MOXD1: variants seen among roughly 807,000 people sequenced by gnomAD.
MOXD1 encodes monooxygenase DBH like 1.
A neutral mutation model predicts 66.6 loss-of-function variants in MOXD1; 62 were observed. That is an observed-to-expected ratio of 0.93 (90% CI 0.76 to 1.15). The LOEUF (loss-of-function observed/expected upper bound fraction) is 1.15. Ranked by LOEUF, MOXD1 falls within the 50% of genes most tolerant of loss-of-function variation. The pLI, the probability that MOXD1 is intolerant of heterozygous loss-of-function variation, is 0.00. For synonymous variants in MOXD1, 303 were observed against 281.9 expected (o/e 1.07, Z -0.75); for missense variants, 847 against 754.6 (o/e 1.12, Z -1.44).
intron 4 of MOXD1, among the ~76,000 whole-genome samples, chr6:132,367,362 G>T (rs1776169240): frequency 6.6e-6 from 1 of 152,048 alleles, no homozygotes; most frequent in African/African-American, 2.4e-5. Flanking sequence ...TCCCAGCACT[G>T]TTATAAATAC....
chr6:132,329,350 T>C (rs1334026383), intron 4 of MOXD1, among the ~76,000 whole-genome samples: 2 of 152,202 alleles, frequency 1.3e-5, no homozygotes, highest in Non-Finnish European at 2.9e-5. Flanking sequence ...ATGTGCCACA[T>C]TTTCTTAATC....
At chr6:132,336,714 G>T (rs1775447223) in intron 4 of MOXD1, among the ~76,000 whole-genome samples, 1 of 152,132 alleles carries the variant, frequency 6.6e-6, no homozygotes, top group South Asian at 2.1e-4. Context: ...TGAGGTGATG[G>T]CAAGAAGAGA....
intron 4 of MOXD1, among the ~76,000 whole-genome samples, chr6:132,369,424 A>G (rs1451008349): frequency 6.6e-6 from 1 of 152,038 alleles, no homozygotes; most frequent in Non-Finnish European, 1.5e-5. Flanking sequence ...CCTTCTTCAC[A>G]ATTTCACAGA....
chr6:132,398,411 A>G (rs911278170), intron 1 of MOXD1, among the ~76,000 whole-genome samples: 2 of 152,222 alleles, frequency 1.3e-5, no homozygotes, highest in African/African-American at 4.8e-5. Context: ...ATTTAAAAGG[A>G]TAAAATAAAA....
rs748529069 is a variant in MOXD1, at chr6:132,328,429, C to T, written c.829G>A (p.Ala277Thr). 1.2e-5 allele frequency: 19 copies of T among 1,613,932 alleles called. No homozygotes were observed. The South Asian group carries it at 1.9e-4, about 16-fold the overall frequency. Residue 277 changes from alanine (A) to threonine (T), a missense_variant, in exon 5 of 12, where the codon GCT becomes ACT. Ala to Thr is a moderately conservative substitution (Grantham distance 58). Coordinates refer to ENST00000367963, the MANE Select transcript of MOXD1 (RefSeq NM_015529.4). ...ATTAGCCCCACCTCTCCACCAATAG[C>T]CCAGGCAAAAATCACAGTTTCACAG... Reference protein sequence around the residue: ...LTCETVIFAWAIGGEGFSYPP... With the variant: ...LTCETVIFAWTIGGEGFSYPP...
chr6:132,358,548 T>G (rs1775952042), intron 4 of MOXD1, among the ~76,000 whole-genome samples: 1 of 152,222 alleles, frequency 6.6e-6, no homozygotes, highest in Non-Finnish European at 1.5e-5. Context: ...TTAAAAGCAT[T>G]TTCAAAGTAA....
chr6:132,384,887 T>C (rs373673834), intron 1 of MOXD1, among the ~76,000 whole-genome samples: 1 of 152,192 alleles, frequency 6.6e-6, no homozygotes, highest in East Asian at 1.9e-4. Flanking sequence ...TCTGTATCTG[T>C]ATCTCTGTAT....
chr6:132,357,636 A>G (rs1775933873), intron 4 of MOXD1, among the ~76,000 whole-genome samples: 1 of 152,104 alleles, frequency 6.6e-6, no homozygotes, highest in African/African-American at 2.4e-5. Flanking sequence ...AATCAAAGTG[A>G]GTGTCCAGCT....
At chr6:132,384,105 T>C (rs1776565332) in intron 1 of MOXD1, among the ~76,000 whole-genome samples, 1 of 152,174 alleles carries the variant, frequency 6.6e-6, no homozygotes, top group Non-Finnish European at 1.5e-5. Context: ...TTATGTCTAT[T>C]TTTTGCAAGG....
At chr6:132,374,425 T>C (rs899910334) in intron 2 of MOXD1, among the ~76,000 whole-genome samples, 1 of 152,050 alleles carries the variant, frequency 6.6e-6, no homozygotes, top group African/African-American at 2.4e-5. Flanking sequence ...CAAAAATGGA[T>C]TTTATTGAAA....
At chr6:132,320,139 C>G (rs1253237867) in intron 9 of MOXD1, among the ~76,000 whole-genome samples, 2 of 152,032 alleles carry the variant, frequency 1.3e-5, no homozygotes, top group Non-Finnish European at 2.9e-5. Flanking sequence ...GAGGTGTTCC[C>G]TCTTTTAGTG....
intron 4 of MOXD1, among the ~76,000 whole-genome samples, chr6:132,354,625 G>T (rs946257845): frequency 6.6e-6 from 1 of 152,236 alleles, no homozygotes; most frequent in Non-Finnish European, 1.5e-5. Context: ...TTTTGTGCTG[G>T]TTGGCGTCCT....
chr6:132,349,448 T>C lies in MOXD1; in HGVS notation c.664-20854A>G, dbSNP rs1390870837. Among the ~76,000 whole-genome samples, 22 of 54,740 alleles carry C rather than the reference T, an allele frequency of 4.0e-4. 1 individual carries two copies. The highest frequency in any genetic ancestry group is 3.6e-3 in the African/African-American group (22 of 6,042). 35.9% of individuals were successfully genotyped at this position (54,740 alleles called of 152,430 possible). A position where few individuals can be genotyped will look rare whatever the true frequency, so the allele number is the denominator to read the frequency against. ...ATATATATATATACATATATATATA[T>C]ATACATATATATATATACATATATA... On this transcript the variant is annotated intron_variant, in intron 4 of 11. Coordinates refer to ENST00000367963, the MANE Select transcript of MOXD1 (RefSeq NM_015529.4).
At chr6:132,368,756 T>A (rs1776197348) in intron 4 of MOXD1, among the ~76,000 whole-genome samples, 1 of 152,120 alleles carries the variant, frequency 6.6e-6, no homozygotes, top group Non-Finnish European at 1.5e-5. Flanking sequence ...CTTAGTCTTA[T>A]AGTTATTATA....
intron 4 of MOXD1, among the ~76,000 whole-genome samples, chr6:132,330,820 A>C (rs1775301817): frequency 1.3e-5 from 2 of 152,178 alleles, no homozygotes; most frequent in South Asian, 4.1e-4. Flanking sequence ...GGGAAATCTA[A>C]GCAAGGGGGG....
chr6:132,394,157 C>T (rs187510960), intron 1 of MOXD1, among the ~76,000 whole-genome samples: 1 of 152,142 alleles, frequency 6.6e-6, no homozygotes, highest in Non-Finnish European at 1.5e-5. Flanking sequence ...ACAACCTCCA[C>T]TAATAATCAC....
At chr6:132,332,042 G>T (rs1047067372) in intron 4 of MOXD1, among the ~76,000 whole-genome samples, 3 of 152,194 alleles carry the variant, frequency 2.0e-5, no homozygotes, top group African/African-American at 7.2e-5. Context: ...TGGGGAGGGG[G>T]CTCATGGCCT....
chr6:132,399,283 T>C (rs1446810638), intron 1 of MOXD1, among the ~76,000 whole-genome samples: 1 of 152,172 alleles, frequency 6.6e-6, no homozygotes, highest in Non-Finnish European at 1.5e-5. Context: ...AAGAAAACGA[T>C]CATCCTTTAC....
intron 6 of MOXD1, among the ~76,000 whole-genome samples, chr6:132,324,689 G>C (rs1562282416): frequency 1.3e-5 from 2 of 152,176 alleles, no homozygotes; most frequent in African/African-American, 4.8e-5. Context: ...GGGGATGAGA[G>C]ATGAATAAGA....
Sources: allele counts gnomAD v4.1 joint callset (sites outside exome capture counted in the v4.1 genomes callset), GRCh38; gene constraint gnomAD v4.1.1; transcripts MANE v1.5; gene names NCBI Gene and HGNC (gene_info 2026-07-23, HGNC 2026-07-21).